The following NUTM2E variants were observed in gnomAD, a reference collection of about 807,000 sequenced individuals.
The protein encoded by NUTM2E is NUT family member 2E.
NUTM2E carries 3 observed loss-of-function variants against 26.1 expected under a neutral mutation model. The ratio of observed to expected loss-of-function variants is 0.12; its 90% CI spans 0.05 to 0.30. NUTM2E has a LOEUF of 0.30. Among genes scored for constraint, NUTM2E ranks in the 10% least tolerant of loss-of-function variants. The probability of loss-of-function intolerance (pLI) is 1.00; values close to 1 mark genes in which losing one functional copy is unlikely to be tolerated. For synonymous variants in NUTM2E, 13 were observed against 157.5 expected, an observed-to-expected ratio of 0.08 and a Z score of 6.87; for missense variants, 62 against 381.3, an observed-to-expected ratio of 0.16 and a Z score of 6.97.
Position 79,839,100 on chromosome 10 carries a change from T to A in NUTM2E, c.-2129T>A, listed in dbSNP as rs1265878260. On this transcript the variant is annotated 5_prime_UTR_variant, in exon 3 of 10. Transcript: ENST00000429984. ...TGAGAAACCAGCGCGTCCGCAACGATCACTCCTAATTTTCGGTAATACAAA... is the reference window on the plus strand; with the variant it reads ...TGAGAAACCAGCGCGTCCGCAACGAACACTCCTAATTTTCGGTAATACAAA... Among the ~76,000 whole-genome samples, 1 of 151,446 alleles carries A rather than the reference T, an allele frequency of 6.6e-6. No individual in the cohort carries two copies. Among genetic ancestry groups the A allele is most frequent in the Non-Finnish European group, 1.5e-5 (1 of 67,828 alleles).
chr10:79,832,104 C>G (rs1305990469), intron 1 of NUTM2E, among the ~76,000 whole-genome samples: 1 of 152,128 alleles, frequency 6.6e-6, no homozygotes, highest in Non-Finnish European at 1.5e-5. Flanking sequence ...CCCAAGGGCC[C>G]ACCACTGAAT....
chr10:79,834,426 C>T (rs1248416549), intron 1 of NUTM2E, among the ~76,000 whole-genome samples: 1 of 151,642 alleles, frequency 6.6e-6, no homozygotes, highest in Non-Finnish European at 1.5e-5. Context: ...TTGGGCAGGG[C>T]ATGGTGCCTC....
At chr10:79,829,615 G>A (rs1317504834) in intron 1 of NUTM2E, among the ~76,000 whole-genome samples, 3 of 151,900 alleles carry the variant, frequency 2.0e-5, no homozygotes, top group Non-Finnish European at 4.4e-5. Context: ...CATACCCTCA[G>A]TGACTTACGG....
rs1265878260 is a variant in NUTM2E, at chr10:79,839,100, T to C, written c.-2129T>C. Among the ~76,000 whole-genome samples the C allele has an allele frequency of 6.6e-6, 1 of 151,446 alleles. No homozygotes were observed. Among genetic ancestry groups the C allele is most frequent in the Non-Finnish European group, 1.5e-5 (1 of 67,828 alleles). On this transcript the variant is annotated 5_prime_UTR_variant, in exon 3 of 10. Coordinates refer to ENST00000429984, the MANE Select transcript of NUTM2E (RefSeq NM_001355263.2). ...TGAGAAACCAGCGCGTCCGCAACGA[T>C]CACTCCTAATTTTCGGTAATACAAA...
At chr10:79,849,050 T>C (rs1424578490) in intron 8 of NUTM2E, among the ~76,000 whole-genome samples, 155 bp downstream of exon 8, 1 of 112,600 alleles carries the variant, frequency 8.9e-6, no homozygotes, top group African/African-American at 2.8e-5. Flanking sequence ...TGTGTGTTTG[T>C]GTCTGTGGTT....
At chr10:79,835,969 G>T (rs1841960266) in intron 1 of NUTM2E, among the ~76,000 whole-genome samples, 1 of 150,512 alleles carries the variant, frequency 6.6e-6, no homozygotes, top group Non-Finnish European at 1.5e-5. Flanking sequence ...CAAATTCCTT[G>T]GCAAGTCAGT....
chr10:79,839,159 T>C (rs559420478), intron 3 of NUTM2E, among the ~76,000 whole-genome samples, 44 bp downstream of exon 3: 1 of 151,784 alleles, frequency 6.6e-6, no homozygotes, highest in South Asian at 2.1e-4. Flanking sequence ...ACACCCTTGC[T>C]GAAAGGTTTA....
At chr10:79,839,340 C>T (rs879221238) in intron 3 of NUTM2E, among the ~76,000 whole-genome samples, 17 of 151,128 alleles carry the variant, frequency 1.1e-4, no homozygotes, top group African/African-American at 2.2e-4. Context: ...GATTTTTAGA[C>T]CTGAAAACAC....
intron 3 of NUTM2E, among the ~76,000 whole-genome samples, 22 bp downstream of exon 3, chr10:79,839,137 T>C (rs1841983857): frequency 6.6e-6 from 1 of 151,698 alleles, no homozygotes; most frequent in South Asian, 2.1e-4. Context: ...CTGCAGTCCA[T>C]GCACCTAGGT....
At chr10:79,836,218 A>G (rs1170420918) in intron 1 of NUTM2E, among the ~76,000 whole-genome samples, 1 of 151,820 alleles carries the variant, frequency 6.6e-6, no homozygotes, top group Non-Finnish European at 1.5e-5. Flanking sequence ...ATCAGACCAT[A>G]TGGTAATTTT....
At chr10:79,834,792 TTG>T (rs1841950972) in intron 1 of NUTM2E, among the ~76,000 whole-genome samples, 1 of 144,092 alleles carries the variant, frequency 6.9e-6, no homozygotes, top group South Asian at 2.3e-4. Flanking sequence ...TTTTAGATAG[TTG>T]TGTTTTTATG....
intron 1 of NUTM2E, among the ~76,000 whole-genome samples, chr10:79,834,367 T>G (rs1311248927): frequency 2.0e-5 from 3 of 151,658 alleles, no homozygotes; most frequent in Non-Finnish European, 2.9e-5. Flanking sequence ...AAGAAATGTT[T>G]TCATTAATAA....
Position 79,849,112 on chromosome 10 carries a change from C to G in NUTM2E, c.1734+217C>G, listed in dbSNP as rs1176653287. ...TGTAGGTGTGAGTGTGGAGTGTGTA[C>G]GTTACCTGTGTCTGTGTCTTTTCCT... On this transcript the variant is annotated intron_variant, in intron 8 of 9. Coordinates refer to ENST00000429984, the MANE Select transcript of NUTM2E (RefSeq NM_001355263.2). Among the ~76,000 whole-genome samples the G allele has an allele frequency of 7.8e-5, 8 of 102,242 alleles. 2 individuals are homozygous for G. In the East Asian group the frequency reaches 1.9e-3, roughly 24 times the overall value. The allele number at this position is 102,242 out of a possible 152,430, so 67.1% of individuals were successfully genotyped here. A position where few individuals can be genotyped will look rare whatever the true frequency, so the allele number is the denominator to read the frequency against.
chr10:79,839,154 C>T (rs1448111558), intron 3 of NUTM2E, among the ~76,000 whole-genome samples, 39 bp downstream of exon 3: 4 of 151,620 alleles, frequency 2.6e-5, no homozygotes, highest in East Asian at 1.9e-4. Context: ...AGGTAACACC[C>T]TTGCTGAAAG....
intron 1 of NUTM2E, among the ~76,000 whole-genome samples, chr10:79,832,305 T>C (rs1012078072): frequency 2.0e-5 from 3 of 151,386 alleles, no homozygotes; most frequent in African/African-American, 7.3e-5. Context: ...GAGATGTCTA[T>C]GTGTGTGTGC....
At chr10:79,831,646 A>G (rs1021330576) in intron 1 of NUTM2E, among the ~76,000 whole-genome samples, 8 of 151,928 alleles carry the variant, frequency 5.3e-5, no homozygotes, top group Non-Finnish European at 1.2e-4. Flanking sequence ...TACCCATTAT[A>G]CATCGGGCTT....
chr10:79,837,953 C>T (rs945644299), intron 1 of NUTM2E, among the ~76,000 whole-genome samples: 7 of 151,366 alleles, frequency 4.6e-5, no homozygotes, highest in African/African-American at 1.7e-4. Flanking sequence ...GAAAACAAAA[C>T]CCCCAAATGA....
intron 1 of NUTM2E, among the ~76,000 whole-genome samples, chr10:79,837,228 C>A (rs4933929): frequency 0.89 from 134,426 of 151,654 alleles, 60,075 homozygotes; most frequent in Non-Finnish European, 0.95. Context: ...ACTTTGTAGA[C>A]TATGTGAACT....
intron 1 of NUTM2E, among the ~76,000 whole-genome samples, chr10:79,836,244 T>C (rs3012962): frequency 6.6e-6 from 1 of 151,986 alleles, no homozygotes; most frequent in Admixed American, 6.6e-5. Flanking sequence ...TAATACTCTT[T>C]TGAAAGACTA....
Sources: gnomAD v4.1 joint callset for allele counts (sites outside exome capture counted in the v4.1 genomes callset) on GRCh38, gnomAD v4.1.1 for gene constraint, MANE v1.5 for transcripts, NCBI Gene and HGNC (gene_info 2026-07-23, HGNC 2026-07-21) for gene names.